SLC8A1: variants seen among roughly 807,000 people sequenced by gnomAD.
The protein encoded by SLC8A1 is solute carrier family 8 member A1.
In SLC8A1, 18 loss-of-function variants were observed where a neutral mutation model predicts 68.3. The ratio of observed to expected loss-of-function variants is 0.26; its 90% CI spans 0.18 to 0.39. The LOEUF is 0.39. Among genes scored for constraint, SLC8A1 ranks in the 10% least tolerant of loss-of-function variants. SLC8A1 has a pLI of 1.00. For synonymous variants in SLC8A1, 475 were observed against 415.5 expected, an observed-to-expected ratio of 1.14 and a Z score of -1.74; for missense variants, 985 against 1,156.7, an observed-to-expected ratio of 0.85 and a Z score of 2.15.
At chr2:40,451,492 G>C (rs1702477688) in intron 1 of SLC8A1, among the ~76,000 whole-genome samples, 1 of 152,314 alleles carries the variant, frequency 6.6e-6, no homozygotes, top group African/African-American at 2.4e-5. Flanking sequence ...GAAGAGTCCA[G>C]TGGGTGGGGA....
chr2:40,220,384 T>G (rs1389842827), intron 2 of SLC8A1: 1 of 152,182 alleles, frequency 6.6e-6, no homozygotes, highest in Non-Finnish European at 1.5e-5. Context: ...AGGAGGTCAT[T>G]AGTGAGTCAT....
chr2:40,330,924 T>C (rs536167125), intron 2 of SLC8A1, among the ~76,000 whole-genome samples: 4 of 152,306 alleles, frequency 2.6e-5, no homozygotes, highest in African/African-American at 4.8e-5. Context: ...TCGAGTTACC[T>C]GCAAACCAGA....
At chr2:40,308,777 T>C (rs1015759541) in intron 2 of SLC8A1, among the ~76,000 whole-genome samples, 1 of 152,160 alleles carries the variant, frequency 6.6e-6, no homozygotes, top group African/African-American at 2.4e-5. Flanking sequence ...ACCTGGCTGA[T>C]TAGCTCCACT....
At position 40,409,254 on chromosome 2, in the gene SLC8A1, T is replaced by C. The variant is rs72798667; in HGVS notation, c.1808+19219A>G. ...CCCCTGTAAGTTCCCAATCATATTT[T>C]GTTACTAGGGTATATTCTAATTTTT... On this transcript the variant is annotated intron_variant, in intron 2 of 7. Transcript: ENST00000406785. Among the ~76,000 whole-genome samples the C allele has an allele frequency of 3.9e-5, 6 of 152,258 alleles. No individual in the cohort carries two copies. In the South Asian group the frequency reaches 8.3e-4, roughly 21 times the overall value.
intron 1 of SLC8A1, among the ~76,000 whole-genome samples, chr2:40,493,043 C>A (rs928869561): frequency 6.6e-6 from 1 of 152,132 alleles, no homozygotes; most frequent in Non-Finnish European, 1.5e-5. Flanking sequence ...GACACATGAA[C>A]ACTCATGTTT....
At chr2:40,266,002 C>A (rs2065312112) in intron 2 of SLC8A1, among the ~76,000 whole-genome samples, 2 of 152,200 alleles carry the variant, frequency 1.3e-5, no homozygotes, top group Admixed American at 1.3e-4. Context: ...CCAAGGGGAG[C>A]CACTCTTCTA....
At chr2:40,183,872 C>T (rs1009924531) in intron 2 of SLC8A1, among the ~76,000 whole-genome samples, 2 of 152,126 alleles carry the variant, frequency 1.3e-5, no homozygotes, top group African/African-American at 4.8e-5. Context: ...TAAAAAGTTT[C>T]TGGATAAGTG....
chr2:40,183,041 TCA>T (rs1161829009), intron 2 of SLC8A1, among the ~76,000 whole-genome samples: 1 of 152,234 alleles, frequency 6.6e-6, no homozygotes. Flanking sequence ...TTAGATATTC[TCA>T]GAGGCCAGTG....
chr2:40,483,627 G>A (rs569063128), intron 1 of SLC8A1, among the ~76,000 whole-genome samples: 2 of 152,316 alleles, frequency 1.3e-5, no homozygotes, highest in East Asian at 3.9e-4. Flanking sequence ...TTATATTACG[G>A]TAAAGTGAGG....
At chr2:40,373,172 G>GTGT (rs3217127) in intron 2 of SLC8A1, among the ~76,000 whole-genome samples, 108,602 of 151,692 alleles carry the variant, frequency 0.72, 40,427 homozygotes, top group African/African-American at 0.93. Flanking sequence ...ACCAGGTTTT[G>GTGT]TGTTGTAATA....
chr2:40,195,508 T>G (rs2052796534), intron 2 of SLC8A1, among the ~76,000 whole-genome samples: 1 of 152,030 alleles, frequency 6.6e-6, no homozygotes, highest in South Asian at 2.1e-4. Flanking sequence ...GGAGAAAAAT[T>G]GAAACTTTCT....
chr2:40,257,819 C>T (rs962256355), intron 2 of SLC8A1, among the ~76,000 whole-genome samples: 16 of 152,202 alleles, frequency 1.1e-4, no homozygotes, highest in African/African-American at 3.4e-4. Context: ...TTTTTCTGCT[C>T]TGTCTTCCTA....
intron 6 of SLC8A1, among the ~76,000 whole-genome samples, chr2:40,159,317 A>T (rs139111148): frequency 6.6e-6 from 1 of 152,348 alleles, no homozygotes; most frequent in African/African-American, 2.4e-5. Context: ...TGTGCCTTGC[A>T]CCAAGAACAA....
At chr2:40,275,421 T>C (rs2066575507) in intron 2 of SLC8A1, among the ~76,000 whole-genome samples, 1 of 152,322 alleles carries the variant, frequency 6.6e-6, no homozygotes, top group East Asian at 1.9e-4. Flanking sequence ...ATTACTTTTT[T>C]CAAACAAACT....
chr2:40,506,804 T>C (rs1421829063), intron 1 of SLC8A1, among the ~76,000 whole-genome samples: 1 of 152,014 alleles, frequency 6.6e-6, no homozygotes, highest in Non-Finnish European at 1.5e-5. Flanking sequence ...GGGAAAATGA[T>C]ATAATAAGTG....
chr2:40,164,785 G>A (rs562050634), intron 5 of SLC8A1, 69 bp downstream of exon 8: 200 of 1,580,832 alleles, frequency 1.3e-4, no homozygotes, highest in Non-Finnish European at 1.6e-4. Flanking sequence ...TTAAGCTTTG[G>A]CCAACCCTAT....
At chr2:40,151,039 G>A (rs2043321803) in intron 6 of SLC8A1, among the ~76,000 whole-genome samples, 1 of 151,974 alleles carries the variant, frequency 6.6e-6, no homozygotes, top group African/African-American at 2.4e-5. Flanking sequence ...TTTCCTCTTA[G>A]GATCATCATT....
At chr2:40,430,377 ATTAC>A (rs1248035559) in intron 1 of SLC8A1, 73 bp from the exon 2 acceptor site, 2 of 1,418,744 alleles carry the variant, frequency 1.4e-6, no homozygotes, top group Non-Finnish European at 1.9e-6. Context: ...AGCATTACTA[ATTAC>A]TTATTTTTAT....
chr2:40,147,470 A>C (rs2042676128), intron 6 of SLC8A1, among the ~76,000 whole-genome samples: 1 of 152,186 alleles, frequency 6.6e-6, no homozygotes, highest in Non-Finnish European at 1.5e-5. Flanking sequence ...AGGCTTTGTC[A>C]AGTAGAATTG....
Sources: allele counts gnomAD v4.1 joint callset (sites outside exome capture counted in the v4.1 genomes callset), GRCh38; gene constraint gnomAD v4.1.1; transcripts MANE v1.5; gene names NCBI Gene and HGNC (gene_info 2026-07-23, HGNC 2026-07-21).